SH3GL2: variants seen among roughly 807,000 people sequenced by gnomAD.
SH3GL2 encodes the protein endophilin-A1.
In SH3GL2, 24 loss-of-function variants were observed where a neutral mutation model predicts 46.0. The observed-to-expected ratio is 0.52, with a 90% confidence interval of 0.38 to 0.73. The LOEUF (loss-of-function observed/expected upper bound fraction) is 0.73, where lower values mean the gene tolerates loss of function less well. Ranked by LOEUF, SH3GL2 falls within the 30% of genes least tolerant of loss-of-function variation. SH3GL2 has a pLI of 0.00. For missense variants in SH3GL2, 413 were observed against 424.2 expected (o/e 0.97, Z 0.23); for synonymous variants, 196 against 147.1 (o/e 1.33, Z -2.40).
At chr9:17,743,960 C>A (rs776355880) in intron 1 of SH3GL2, among the ~76,000 whole-genome samples, 2 of 152,140 alleles carry the variant, frequency 1.3e-5, no homozygotes, top group African/African-American at 4.8e-5. Context: ...TTAAATATCA[C>A]AGGTCACAGG....
intron 1 of SH3GL2, among the ~76,000 whole-genome samples, chr9:17,729,298 A>G (rs1473788033): frequency 1.4e-5 from 2 of 143,176 alleles, no homozygotes; most frequent in Non-Finnish European, 3.0e-5. Context: ...TCCTTCGCCC[A>G]CTTTTTGATG....
chr9:17,730,643 T>G (rs1430879287), intron 1 of SH3GL2, among the ~76,000 whole-genome samples: 11 of 152,166 alleles, frequency 7.2e-5, no homozygotes, highest in African/African-American at 2.7e-4. Context: ...AATCAATACC[T>G]GGTTTATTAA....
chr9:17,702,591 C>T (rs947204993), intron 1 of SH3GL2, among the ~76,000 whole-genome samples: 14 of 152,088 alleles, frequency 9.2e-5, no homozygotes, highest in African/African-American at 2.9e-4. Flanking sequence ...GAAGGTAATC[C>T]TTGCTTATCA....
At position 17,796,053 on chromosome 9, in the gene SH3GL2, C is replaced by T; in HGVS notation, c.*310C>T. On this transcript the variant is annotated 3_prime_UTR_variant, in exon 9 of 9. Transcript: ENST00000380607. Reference sequence around the variant, plus strand: ...CTTAGAATATGACCATGAGCCATTTCACAGAAAAACCATCCCACCGAAGAT... The same window carrying T: ...CTTAGAATATGACCATGAGCCATTTTACAGAAAAACCATCCCACCGAAGAT... 2 of 298,630 alleles carry T rather than the reference C, an allele frequency of 6.7e-6. No individual in the cohort carries two copies. Among genetic ancestry groups the T allele is most frequent in the South Asian group, 2.0e-4 (2 of 9,826 alleles). The allele number at this position is 298,630 out of a possible 1,614,324, so 18.5% of individuals were successfully genotyped here. A position where few individuals can be genotyped will look rare whatever the true frequency, so the allele number is the denominator to read the frequency against.
intron 1 of SH3GL2, among the ~76,000 whole-genome samples, chr9:17,745,853 GA>G (rs1475544182): frequency 6.6e-6 from 1 of 152,080 alleles, no homozygotes; most frequent in African/African-American, 2.4e-5. Flanking sequence ...TGAAGGAAAT[GA>G]AAAACCATAC....
intron 3 of SH3GL2, among the ~76,000 whole-genome samples, chr9:17,785,247 A>G (rs916092188): frequency 5.3e-5 from 8 of 152,206 alleles, no homozygotes; most frequent in African/African-American, 1.7e-4. Context: ...TCAATCCCCC[A>G]TCAAGGCACT....
intron 1 of SH3GL2, among the ~76,000 whole-genome samples, chr9:17,719,167 T>C (rs1422524329): frequency 6.6e-6 from 1 of 152,120 alleles, no homozygotes; most frequent in Non-Finnish European, 1.5e-5. Flanking sequence ...TGAAAACCAA[T>C]TGAATGTCAA....
rs919124335 is a variant in SH3GL2, at chr9:17,795,853, G to A, written c.*110G>A. On this transcript the variant is annotated 3_prime_UTR_variant, in exon 9 of 9. Transcript: ENST00000380607. ...CCAAGTGCAGGCCGCAGTGGTCCAC[G>A]TCATCCAGCCCCACCAAGTGACTTT... 2.5e-5 allele frequency: 21 copies of A among 835,334 alleles called. No homozygotes were observed. The Middle Eastern group carries it at 1.1e-3, about 43-fold the overall frequency. 51.7% of individuals were successfully genotyped at this position (835,334 alleles called of 1,614,324 possible). A position where few individuals can be genotyped will look rare whatever the true frequency, so the allele number is the denominator to read the frequency against.
intron 1 of SH3GL2, among the ~76,000 whole-genome samples, chr9:17,725,800 G>A (rs1320963563): frequency 6.6e-6 from 1 of 152,178 alleles, no homozygotes; most frequent in African/African-American, 2.4e-5. Context: ...GCCAAGAATT[G>A]TGCTTCCACA....
chr9:17,711,584 T>C (rs560161442), intron 1 of SH3GL2, among the ~76,000 whole-genome samples: 10 of 151,956 alleles, frequency 6.6e-5, no homozygotes, highest in Admixed American at 4.6e-4. Context: ...TTCCTTTTTG[T>C]CTGACTTCTT....
At chr9:17,742,823 T>G (rs1272145728) in intron 1 of SH3GL2, among the ~76,000 whole-genome samples, 1 of 152,212 alleles carries the variant, frequency 6.6e-6, no homozygotes, top group Middle Eastern at 3.2e-3. Flanking sequence ...TTTTAAATGG[T>G]ACAGGAGAGT....
At chr9:17,583,402 T>C (rs994041124) in intron 1 of SH3GL2, among the ~76,000 whole-genome samples, 3 of 152,102 alleles carry the variant, frequency 2.0e-5, no homozygotes, top group Non-Finnish European at 4.4e-5. Flanking sequence ...AGTGCTCTCT[T>C]AAAAGAAGTT....
chr9:17,633,347 T>A (rs968176030), intron 1 of SH3GL2, among the ~76,000 whole-genome samples: 10 of 152,282 alleles, frequency 6.6e-5, no homozygotes, highest in Middle Eastern at 3.4e-3. Flanking sequence ...AGGATACTAC[T>A]CTCAATGGCT....
intron 3 of SH3GL2, among the ~76,000 whole-genome samples, chr9:17,768,382 A>C (rs1199925009): frequency 6.6e-6 from 1 of 151,742 alleles, no homozygotes; most frequent in Non-Finnish European, 1.5e-5. Flanking sequence ...AAAAAAAAAA[A>C]AAAAAAAAAC....
chr9:17,748,432 G>A (rs1310338702), intron 2 of SH3GL2, among the ~76,000 whole-genome samples: 2 of 152,138 alleles, frequency 1.3e-5, no homozygotes, highest in East Asian at 1.9e-4. Context: ...TCTACCAGAA[G>A]TTTTTTAGGG....
At chr9:17,758,133 A>T (rs1233210498) in intron 2 of SH3GL2, among the ~76,000 whole-genome samples, 1 of 152,192 alleles carries the variant, frequency 6.6e-6, no homozygotes, top group African/African-American at 2.4e-5. Context: ...TTTTCTCCTC[A>T]TAACACACTT....
At chr9:17,743,855 T>A (rs1412951247) in intron 1 of SH3GL2, among the ~76,000 whole-genome samples, 1 of 152,204 alleles carries the variant, frequency 6.6e-6, no homozygotes, top group African/African-American at 2.4e-5. Context: ...CTAGAGTTGG[T>A]CAAAATGTGA....
intron 1 of SH3GL2, among the ~76,000 whole-genome samples, chr9:17,706,541 C>G (rs1286372508): frequency 6.6e-6 from 1 of 152,020 alleles, no homozygotes; most frequent in Admixed American, 6.6e-5. Flanking sequence ...CCATGGTAAA[C>G]TTTTATGGTC....
In SH3GL2 at chr9:17,607,168, G is replaced by A. The variant is rs1818775813; in HGVS notation, c.45+27881G>A. Reference sequence around the variant, plus strand: ...CATCATTAGGTGATTTCATAATTGTGTGAACATCCTAGAGTGTAATCACAC... The same window carrying A: ...CATCATTAGGTGATTTCATAATTGTATGAACATCCTAGAGTGTAATCACAC... On this transcript the variant is annotated intron_variant, in intron 1 of 8. Transcript: ENST00000380607. 4.6e-5 allele frequency among the ~76,000 whole-genome samples: 7 copies of A among 152,324 alleles called. No homozygotes were observed. The South Asian group carries it at 1.4e-3, about 32-fold the overall frequency.
Sources: allele counts gnomAD v4.1 joint callset (sites outside exome capture counted in the v4.1 genomes callset), GRCh38; gene constraint gnomAD v4.1.1; transcripts MANE v1.5; gene names NCBI Gene and HGNC (gene_info 2026-07-23, HGNC 2026-07-21).